Variants in TMEM161B observed in about 807,000 individuals in gnomAD.
TMEM161B encodes the protein transmembrane protein 161B.
TMEM161B carries 34 observed loss-of-function variants against 61.8 expected under a neutral mutation model. The ratio of observed to expected loss-of-function variants is 0.55; its 90% CI spans 0.42 to 0.73. The LOEUF (loss-of-function observed/expected upper bound fraction) is 0.73. Among genes scored for constraint, TMEM161B ranks in the 30% least tolerant of loss-of-function variants. The probability of loss-of-function intolerance (pLI) is 0.00; values close to 1 mark genes in which losing one functional copy is unlikely to be tolerated. For missense variants in TMEM161B, 456 were observed against 558.5 expected (o/e 0.82, Z 1.85); for synonymous variants, 167 against 192.8 (o/e 0.87, Z 1.11).
intron 2 of TMEM161B, among the ~76,000 whole-genome samples, chr5:88,232,953 A>G (rs1053137518): frequency 6.6e-6 from 1 of 152,170 alleles, no homozygotes; most frequent in African/African-American, 2.4e-5. Context: ...AATGGCTTAG[A>G]TTTATTACAT....
At chr5:88,247,386 C>T (rs563337427) in intron 1 of TMEM161B, among the ~76,000 whole-genome samples, 3 of 152,182 alleles carry the variant, frequency 2.0e-5, no homozygotes, top group Non-Finnish European at 4.4e-5. Flanking sequence ...AGCTCTCCTG[C>T]TGACAGATCA....
intron 1 of TMEM161B, among the ~76,000 whole-genome samples, chr5:88,253,727 G>A (rs1754637001): frequency 6.6e-6 from 1 of 152,104 alleles, no homozygotes; most frequent in Non-Finnish European, 1.5e-5. Flanking sequence ...AAAGTAATTG[G>A]AAGCAAGGAA....
chr5:88,192,658 T>G (rs541225482), downstream of TMEM161B, among the ~76,000 whole-genome samples: 1 of 152,194 alleles, frequency 6.6e-6, no homozygotes, highest in Non-Finnish European at 1.5e-5. Flanking sequence ...GTATCACTAG[T>G]GTGTTTAAAT....
At chr5:88,213,765 G>A (rs1747312250) in intron 5 of TMEM161B, among the ~76,000 whole-genome samples, 1 of 152,024 alleles carries the variant, frequency 6.6e-6, no homozygotes, top group Admixed American at 6.5e-5. Flanking sequence ...CAGCATTAAT[G>A]TCACAAAAAA....
At chr5:88,250,579 C>G (rs1754207722) in intron 1 of TMEM161B, 1 of 152,112 alleles carries the variant, frequency 6.6e-6, no homozygotes, top group Admixed American at 6.6e-5. Context: ...CTAAGGAGAG[C>G]TAGGTTGGCC....
At chr5:88,220,261 CAT>C (rs1326822878) in intron 5 of TMEM161B, among the ~76,000 whole-genome samples, 1 of 151,878 alleles carries the variant, frequency 6.6e-6, no homozygotes, top group Non-Finnish European at 1.5e-5. Flanking sequence ...TAAATAGTAA[CAT>C]TATCACAAAA....
At chr5:88,202,412 T>C (rs1744585838) in intron 9 of TMEM161B, 1 of 179,818 alleles carries the variant, frequency 5.6e-6, no homozygotes, top group Non-Finnish European at 1.2e-5. Flanking sequence ...TACGATGATG[T>C]TATTGTTATA....
At position 88,208,258 on chromosome 5, in the gene TMEM161B, T is replaced by TGGATCACGA. The variant is rs552399824; in HGVS notation, c.447-1087_447-1079dup. The stretch of plus-strand genomic sequence containing the variant: ...CAGCACCTTGGGAGGCCGAGGCGGC[T>TGGATCACGA]GGATCACGAGGTCAGGAGATCGAGA... On this transcript the variant is annotated intron_variant, in intron 5 of 11. Transcript: ENST00000296595. Among the ~76,000 whole-genome samples, 615 of 149,120 alleles carry TGGATCACGA rather than the reference T, an allele frequency of 4.1e-3. 9 individuals carry two copies. Among genetic ancestry groups the TGGATCACGA allele is most frequent in the African/African-American group, 0.015 (593 of 40,416 alleles).
intron 2 of TMEM161B, among the ~76,000 whole-genome samples, chr5:88,233,104 A>G (rs1205892446): frequency 1.3e-5 from 2 of 152,216 alleles, no homozygotes; most frequent in African/African-American, 2.4e-5. Flanking sequence ...TCACTTAGGG[A>G]GAACCTTCTG....
downstream of TMEM161B, among the ~76,000 whole-genome samples, chr5:88,191,816 T>A (rs1241639237): frequency 6.7e-6 from 1 of 150,066 alleles, no homozygotes; most frequent in Admixed American, 6.6e-5. Context: ...AATTAGCTGG[T>A]CATGGTGGCG....
At chr5:88,208,999 A>T (rs984311855) in intron 5 of TMEM161B, among the ~76,000 whole-genome samples, 1 of 152,188 alleles carries the variant, frequency 6.6e-6, no homozygotes, top group African/African-American at 2.4e-5. Flanking sequence ...AATTTTGTGC[A>T]TGAAAAAAAT....
chr5:88,193,959 A>C (rs2112306463), downstream of TMEM161B, among the ~76,000 whole-genome samples: 1 of 152,272 alleles, frequency 6.6e-6, no homozygotes, highest in East Asian at 1.9e-4. Context: ...CATTTCAGTC[A>C]GTTTTATCCA....
At chr5:88,187,036 T>C (rs1195313840), downstream of TMEM161B, among the ~76,000 whole-genome samples, 1 of 152,248 alleles carries the variant, frequency 6.6e-6, no homozygotes, top group East Asian at 1.9e-4. Context: ...TTGATTCTTG[T>C]GTAAAGTATG....
At position 88,202,991 on chromosome 5, in the gene TMEM161B, G is replaced by A. The variant is rs1580355460; in HGVS notation, c.885C>T (p.Asn295=). Residue 295 remains asparagine (N), a synonymous_variant, in exon 9 of 12, where the codon AAC becomes AAT. Transcript: ENST00000296595. ...VKPITKDYIM[N]PPLGKESIPL... is the part of the protein sequence containing the mutation. ...GGATACTTTCTTTGCCCAGTGGTGG[G>A]TTCATAATGTAGTCTTTGGTGATTG... The A allele has an allele frequency of 6.2e-7, 1 of 1,611,362 alleles. No homozygotes were observed. The highest frequency in any genetic ancestry group is 8.5e-7 in the Non-Finnish European group (1 of 1,177,782).
intron 4 of TMEM161B, among the ~76,000 whole-genome samples, chr5:88,224,494 T>C (rs1168749148): frequency 1.3e-5 from 2 of 152,192 alleles, no homozygotes; most frequent in African/African-American, 2.4e-5. Flanking sequence ...ACTACATTTC[T>C]ATAATATATA....
At chr5:88,198,068 T>C (rs1417749035) in intron 10 of TMEM161B, 1 of 190,962 alleles carries the variant, frequency 5.2e-6, no homozygotes. Context: ...TTTACTTATA[T>C]TTCAAAGATA....
downstream of TMEM161B, among the ~76,000 whole-genome samples, chr5:88,186,888 G>A (rs1479261298): frequency 6.6e-6 from 1 of 151,028 alleles, no homozygotes; most frequent in African/African-American, 2.5e-5. Flanking sequence ...GGGCAACAAA[G>A]TGAGACTCTG....
intron 1 of TMEM161B, among the ~76,000 whole-genome samples, chr5:88,249,945 A>G (rs1027102675): frequency 4.6e-5 from 7 of 152,120 alleles, no homozygotes; most frequent in African/African-American, 1.7e-4. Flanking sequence ...GGAACCCACA[A>G]CAAAGTTTTA....
intron 1 of TMEM161B, among the ~76,000 whole-genome samples, chr5:88,252,046 T>C (rs1394356602): frequency 6.6e-6 from 1 of 152,176 alleles, no homozygotes; most frequent in African/African-American, 2.4e-5. Context: ...AATATACATA[T>C]TAAAATAATA....
Sources: gnomAD v4.1 joint callset for allele counts (sites outside exome capture counted in the v4.1 genomes callset) on GRCh38, gnomAD v4.1.1 for gene constraint, MANE v1.5 for transcripts, NCBI Gene and HGNC (gene_info 2026-07-23, HGNC 2026-07-21) for gene names.